The following GALNTL6 variants were observed in gnomAD, a reference collection of about 807,000 sequenced individuals.
GALNTL6 encodes the protein polypeptide N-acetylgalactosaminyltransferase-like 6.
In GALNTL6, 46 loss-of-function variants were observed where a neutral mutation model predicts 73.7. The ratio of observed to expected loss-of-function variants is 0.62; its 90% confidence interval spans 0.49 to 0.80. The LOEUF is 0.80. GALNTL6 is among the 30% of genes least tolerant of loss of function. The pLI is 0.00. For missense variants in GALNTL6, 604 were observed against 755.0 expected (o/e 0.80, Z 2.34); for synonymous variants, 259 against 263.7 (o/e 0.98, Z 0.17).
Position 171,927,076 on chromosome 4 carries a change from C to T in GALNTL6, c.138+112358C>T, listed in dbSNP as rs553281943. On this transcript the variant is annotated intron_variant, in intron 2 of 12. Transcript: ENST00000506823. ...AGGGGTGGTGATTTTTTTCTTTGTA[C>T]ATAAGGAACAGCTACCTGTTTCAGC... Among the ~76,000 whole-genome samples the T allele has an allele frequency of 2.0e-5, 3 of 151,650 alleles. No homozygotes were observed. In the South Asian group the frequency reaches 6.2e-4, roughly 32 times the overall value.
intron 2 of GALNTL6, among the ~76,000 whole-genome samples, chr4:172,226,935 A>C (rs1736887497): frequency 6.6e-6 from 1 of 152,162 alleles, no homozygotes; most frequent in Non-Finnish European, 1.5e-5. Flanking sequence ...AGAAAATTAA[A>C]TTTAGAGTTT....
At chr4:172,561,663 A>G (rs1296475258) in intron 5 of GALNTL6, among the ~76,000 whole-genome samples, 1 of 152,174 alleles carries the variant, frequency 6.6e-6, no homozygotes, top group Non-Finnish European at 1.5e-5. Flanking sequence ...TCCTCCGTCA[A>G]TATGTTAATG....
At chr4:172,412,756 A>C (rs972327625) in intron 5 of GALNTL6, among the ~76,000 whole-genome samples, 1 of 152,176 alleles carries the variant, frequency 6.6e-6, no homozygotes, top group Non-Finnish European at 1.5e-5. Flanking sequence ...ATCATTTAGA[A>C]AATTTATTCA....
rs951763817 is a variant in GALNTL6, at chr4:172,809,249, T to C, written c.554-112T>C. 3.0e-5 allele frequency: 24 copies of C among 792,952 alleles called. No individual in the cohort carries two copies. In the African/African-American group the frequency reaches 4.2e-4, roughly 14 times the overall value. 49.1% of individuals were successfully genotyped at this position (792,952 alleles called of 1,614,324 possible). On this transcript the variant is annotated intron_variant, in intron 5 of 12. Coordinates refer to ENST00000506823, the MANE Select transcript of GALNTL6 (RefSeq NM_001034845.3). The surrounding 1 kb of genome is among the most constrained non-coding windows in gnomAD (Gnocchi z 4.4). ...TCCCATCTAGATGAGGAGACAAGAA[T>C]GTTACCCCAGGATTCATCAGTCACA... is the stretch of plus-strand genomic sequence containing the variant.
chr4:172,930,756 A>G (rs1456712163), intron 8 of GALNTL6, among the ~76,000 whole-genome samples: 1 of 152,104 alleles, frequency 6.6e-6, no homozygotes, highest in Non-Finnish European at 1.5e-5. Flanking sequence ...AACATAGCTC[A>G]CTTCAGCAAG....
intron 2 of GALNTL6, among the ~76,000 whole-genome samples, chr4:172,048,994 A>ATT (rs1742294177): frequency 6.6e-6 from 1 of 152,132 alleles, no homozygotes; most frequent in African/African-American, 2.4e-5. Flanking sequence ...TTCCACTGAT[A>ATT]TTTTATCAGC....
At chr4:172,166,455 A>T (rs1734628510) in intron 2 of GALNTL6, among the ~76,000 whole-genome samples, 1 of 152,182 alleles carries the variant, frequency 6.6e-6, no homozygotes, top group African/African-American at 2.4e-5. Context: ...CAAAAAAAAA[A>T]AAATTGTATA....
chr4:172,130,965 C>A (rs966615955), intron 2 of GALNTL6, among the ~76,000 whole-genome samples: 1 of 151,960 alleles, frequency 6.6e-6, no homozygotes, highest in African/African-American at 2.4e-5. Flanking sequence ...CATGAGTATA[C>A]CTCATGTAAT....
chr4:172,631,671 G>A (rs1739403312), intron 5 of GALNTL6, among the ~76,000 whole-genome samples: 1 of 152,116 alleles, frequency 6.6e-6, no homozygotes, highest in Admixed American at 6.5e-5. Flanking sequence ...CTCATGTGTG[G>A]ACAATGTTTT....
intron 5 of GALNTL6, among the ~76,000 whole-genome samples, chr4:172,726,119 G>C (rs934650201): frequency 7.5e-6 from 1 of 134,216 alleles, no homozygotes. Flanking sequence ...CAGTCCCGCT[G>C]AGGGTCCCAG....
intron 5 of GALNTL6, among the ~76,000 whole-genome samples, chr4:172,378,950 A>G (rs1051618451): frequency 6.6e-6 from 1 of 152,178 alleles, no homozygotes; most frequent in Non-Finnish European, 1.5e-5. Flanking sequence ...TCTAAGATAT[A>G]TATTATTCTG....
At chr4:172,615,042 A>G (rs1304407046) in intron 5 of GALNTL6, among the ~76,000 whole-genome samples, 1 of 152,172 alleles carries the variant, frequency 6.6e-6, no homozygotes, top group African/African-American at 2.4e-5. Flanking sequence ...GTTGACCTCA[A>G]AGGAGACTTT....
chr4:172,288,337 T>C (rs1349971574), intron 3 of GALNTL6, among the ~76,000 whole-genome samples: 4 of 152,036 alleles, frequency 2.6e-5, no homozygotes, highest in African/African-American at 9.7e-5. Context: ...GTGATCCGCC[T>C]GCCTCGGCCT....
At position 172,232,695 on chromosome 4, in the gene GALNTL6, C is replaced by T. The variant is rs188139418; in HGVS notation, c.247+2931C>T. On this transcript the variant is annotated intron_variant, in intron 3 of 12. Coordinates refer to ENST00000506823, the MANE Select transcript of GALNTL6 (RefSeq NM_001034845.3). ...CATCCTTGTGAATATTTGAAATTGA[C>T]TTTTCCCCCAATTTGGTGATATGAA... is the stretch of plus-strand genomic sequence containing the variant. 2.4e-3 allele frequency among the ~76,000 whole-genome samples: 370 copies of T among 152,184 alleles called. 2 individuals carry two copies. The highest frequency in any genetic ancestry group is 8.4e-3 in the African/African-American group (348 of 41,518).
In GALNTL6 at chr4:171,960,187, C is replaced by G. The variant is rs540669095; in HGVS notation, c.138+145469C>G. ...TTGGCTACTCTTTACAGCACTGCCTCTAACATCAGGGACACAATATTAGAG... is the reference window on the plus strand; with the variant it reads ...TTGGCTACTCTTTACAGCACTGCCTGTAACATCAGGGACACAATATTAGAG... On this transcript the variant is annotated intron_variant, in intron 2 of 12. Transcript: ENST00000506823. Among the ~76,000 whole-genome samples the G allele has an allele frequency of 2.4e-3, 367 of 152,308 alleles. 1 individual carries two copies. Among genetic ancestry groups the G allele is most frequent in the Middle Eastern group, 0.01 (3 of 294 alleles).
intron 4 of GALNTL6, among the ~76,000 whole-genome samples, chr4:172,325,361 T>C (rs1414601058): frequency 6.6e-6 from 1 of 151,984 alleles, no homozygotes; most frequent in Non-Finnish European, 1.5e-5. Context: ...GGTTCTGATT[T>C]CTGGGTAAGA....
At chr4:172,019,389 A>G (rs1049153238) in intron 2 of GALNTL6, among the ~76,000 whole-genome samples, 3 of 152,086 alleles carry the variant, frequency 2.0e-5, no homozygotes, top group African/African-American at 7.2e-5. Context: ...AATGGATTAA[A>G]AAAAAGACCC....
chr4:172,342,369 T>A (rs1195569763), intron 4 of GALNTL6, among the ~76,000 whole-genome samples: 3 of 152,234 alleles, frequency 2.0e-5, no homozygotes, highest in Non-Finnish European at 4.4e-5. Context: ...TATTCGTTGC[T>A]CGTGTTACCT....
intron 4 of GALNTL6, among the ~76,000 whole-genome samples, chr4:172,334,133 A>G (rs1021407237): frequency 4.0e-5 from 6 of 151,676 alleles, no homozygotes; most frequent in African/African-American, 1.2e-4. Flanking sequence ...ACTCTACTCT[A>G]CTCTACTTTG....
Sources: gnomAD v4.1 joint callset for allele counts (sites outside exome capture counted in the v4.1 genomes callset) on GRCh38, gnomAD v4.1.1 for gene constraint, Gnocchi (gnomAD v3.1) non-coding constraint, MANE v1.5 for transcripts, NCBI Gene and HGNC (gene_info 2026-07-23, HGNC 2026-07-21) for gene names.